The following ITPR2 variants were observed in gnomAD, a reference collection of about 807,000 sequenced individuals.
ITPR2 encodes inositol 1,4,5-trisphosphate receptor type 2, also known as inositol 1,4,5-trisphosphate-gated calcium channel ITPR2.
Under a neutral mutation model 317.1 loss-of-function variants are expected in ITPR2, and 207 were observed. The observed-to-expected ratio is 0.65, with a 90% CI of 0.58 to 0.73. The LOEUF (loss-of-function observed/expected upper bound fraction) is 0.73, where lower values mean the gene tolerates loss of function less well. ITPR2 is among the 30% of genes least tolerant of loss of function. The probability of loss-of-function intolerance (pLI) is 0.00; values close to 1 mark genes in which losing one functional copy is unlikely to be tolerated. For synonymous variants in ITPR2, 1,156 were observed against 1,149.1 expected (o/e 1.01, Z -0.12); for missense variants, 2,613 against 3,284.0 (o/e 0.80, Z 4.99).
At chr12:26,634,711 C>T (rs1489578438) in intron 21 of ITPR2, among the ~76,000 whole-genome samples, 1 of 151,650 alleles carries the variant, frequency 6.6e-6, no homozygotes, top group Non-Finnish European at 1.5e-5. Flanking sequence ...ATGGTGAAAC[C>T]CTGTCTCTGT....
chr12:26,441,476 C>T (rs971210484), intron 46 of ITPR2, among the ~76,000 whole-genome samples: 1 of 152,102 alleles, frequency 6.6e-6, no homozygotes, highest in Non-Finnish European at 1.5e-5. Context: ...AACAATATTC[C>T]AATGTGATAA....
intron 37 of ITPR2, among the ~76,000 whole-genome samples, chr12:26,523,514 G>A (rs1943721031): frequency 6.8e-6 from 1 of 146,388 alleles, no homozygotes; most frequent in Non-Finnish European, 1.5e-5. Context: ...CAAAAACAAT[G>A]GCAAAATCTT....
chr12:26,785,640 T>A (rs1950222676), intron 2 of ITPR2, among the ~76,000 whole-genome samples: 1 of 27,424 alleles, frequency 3.6e-5, no homozygotes, highest in African/African-American at 1.1e-4. Context: ...AGCCGCCCCG[T>A]CCGGGAGGGA....
chr12:26,402,997 A>G (rs895659159), intron 52 of ITPR2, among the ~76,000 whole-genome samples: 1 of 152,344 alleles, frequency 6.6e-6, no homozygotes, highest in South Asian at 2.1e-4. Flanking sequence ...CAGCAGCTGA[A>G]CAAGGGCAGT....
chr12:26,825,127 G>A lies in ITPR2; in HGVS notation c.92+7563C>T, dbSNP rs1038271838. ...GCACACCTGCAGTCCCAGCTACTCC[G>A]AAAATTGAGGCACAGGAATGGCTTG... On this transcript the variant is annotated intron_variant, in intron 1 of 56. Transcript: ENST00000381340. Among the ~76,000 whole-genome samples, 9 of 152,112 alleles carry A rather than the reference G, an allele frequency of 5.9e-5. No homozygotes were observed. In the South Asian group the frequency reaches 6.2e-4, roughly 10 times the overall value.
Position 26,751,994 on chromosome 12 carries a change from T to G in ITPR2, c.164-26229A>C, listed in dbSNP as rs985978925. ...ATAGAGATATGTCTATAGTCTTGAG[T>G]GGGTCAATGCATATACAAAATTAAC... On this transcript the variant is annotated intron_variant, in intron 2 of 56. Coordinates refer to ENST00000381340, the MANE Select transcript of ITPR2 (RefSeq NM_002223.4). 2.6e-5 allele frequency among the ~76,000 whole-genome samples: 4 copies of G among 152,214 alleles called. No homozygotes were observed. The South Asian group carries it at 8.3e-4, about 32-fold the overall frequency.
chr12:26,526,130 AC>A (rs1312501242), intron 37 of ITPR2, among the ~76,000 whole-genome samples: 2 of 152,208 alleles, frequency 1.3e-5, no homozygotes, highest in Non-Finnish European at 2.9e-5. Flanking sequence ...AGTCCAAGAC[AC>A]TGTGATATGC....
At chr12:26,811,116 T>G (rs1950736364) in intron 1 of ITPR2, among the ~76,000 whole-genome samples, 1 of 151,654 alleles carries the variant, frequency 6.6e-6, no homozygotes, top group Non-Finnish European at 1.5e-5. Context: ...TGAATTGTAG[T>G]CAGATATTTG....
chr12:26,586,092 T>C (rs1945518804), intron 32 of ITPR2, among the ~76,000 whole-genome samples: 1 of 152,220 alleles, frequency 6.6e-6, no homozygotes, highest in African/African-American at 2.4e-5. Context: ...CATGTGATGG[T>C]TATTACCCTT....
intron 34 of ITPR2, among the ~76,000 whole-genome samples, chr12:26,567,908 C>A (rs1285986209): frequency 7.2e-6 from 1 of 139,514 alleles, no homozygotes; most frequent in African/African-American, 2.7e-5. Flanking sequence ...CCAAAGTTAG[C>A]TTACTTTTAC....
chr12:26,436,888 T>C (rs561496945), intron 47 of ITPR2, among the ~76,000 whole-genome samples: 2 of 152,360 alleles, frequency 1.3e-5, no homozygotes, highest in East Asian at 3.8e-4. Flanking sequence ...ACTAGTGATT[T>C]ATAATATTAT....
At position 26,513,574 on chromosome 12, in the gene ITPR2, T is replaced by G. The variant is rs538131395; in HGVS notation, c.5074-18314A>C. Among the ~76,000 whole-genome samples the G allele has an allele frequency of 8.5e-5, 13 of 152,142 alleles. 2 individuals carry two copies. The South Asian group carries it at 2.7e-3, about 32-fold the overall frequency. ...CTCTCTCTCTGCAGAAACCCTGACT[T>G]TGAGCATAAGCCAGCCATGAAGCTG... On this transcript the variant is annotated intron_variant, in intron 37 of 56. Coordinates refer to ENST00000381340, the MANE Select transcript of ITPR2 (RefSeq NM_002223.4).
chr12:26,475,571 T>C (rs1446658071), intron 44 of ITPR2, among the ~76,000 whole-genome samples, 153 bp from the exon 45 acceptor site: 1 of 152,216 alleles, frequency 6.6e-6, no homozygotes, highest in African/African-American at 2.4e-5. Context: ...CTTATTTCAA[T>C]GAACATGGAA....
At chr12:26,511,745 G>A (rs953047879) in intron 37 of ITPR2, among the ~76,000 whole-genome samples, 16 of 152,166 alleles carry the variant, frequency 1.1e-4, no homozygotes, top group African/African-American at 3.9e-4. Flanking sequence ...GGACCAATGT[G>A]TAAACATGTG....
intron 26 of ITPR2, among the ~76,000 whole-genome samples, chr12:26,618,360 G>A (rs188954022): frequency 9.9e-5 from 15 of 152,232 alleles, no homozygotes; most frequent in Admixed American, 6.5e-5. Context: ...CACATGAATC[G>A]GTAGGACTTA....
At chr12:26,575,337 G>C (rs1945250447) in intron 34 of ITPR2, among the ~76,000 whole-genome samples, 1 of 151,774 alleles carries the variant, frequency 6.6e-6, no homozygotes, top group Non-Finnish European at 1.5e-5. Context: ...AATAAGGAAA[G>C]ACAGAAGGAG....
At chr12:26,458,019 C>T (rs1262974707) in intron 45 of ITPR2, among the ~76,000 whole-genome samples, 6 of 152,232 alleles carry the variant, frequency 3.9e-5, no homozygotes, top group East Asian at 1.9e-4. Context: ...TTGGTGAGCA[C>T]GTACATACTG....
chr12:26,375,277 A>C (rs1465894328), intron 55 of ITPR2, among the ~76,000 whole-genome samples: 1 of 152,236 alleles, frequency 6.6e-6, no homozygotes, highest in Non-Finnish European at 1.5e-5. Flanking sequence ...TATTAAGGTT[A>C]TGAGAATCAG....
chr12:26,643,743 T>C (rs1947044831), intron 21 of ITPR2, among the ~76,000 whole-genome samples: 1 of 152,280 alleles, frequency 6.6e-6, no homozygotes, highest in Admixed American at 6.5e-5. Context: ...AGAGATGAAA[T>C]TGAATATTTG....
Sources: gnomAD v4.1 joint callset for allele counts (sites outside exome capture counted in the v4.1 genomes callset) on GRCh38, gnomAD v4.1.1 for gene constraint, MANE v1.5 for transcripts, NCBI Gene and HGNC (gene_info 2026-07-23, HGNC 2026-07-21) for gene names.